The following STRN variants were observed in gnomAD, a reference collection of about 807,000 sequenced individuals.
The protein encoded by STRN is protein phosphatase 2 regulatory subunit B'''alpha.
A neutral mutation model predicts 96.3 loss-of-function variants in STRN; 53 were observed. The ratio of observed to expected loss-of-function variants is 0.55; its 90% CI spans 0.44 to 0.69. STRN has a LOEUF of 0.69. Ranked by LOEUF, STRN falls within the 30% of genes least tolerant of loss-of-function variation. The probability of loss-of-function intolerance (pLI) is 0.00; values close to 1 mark genes in which losing one functional copy is unlikely to be tolerated. For missense variants in STRN, 987 were observed against 963.9 expected (o/e 1.02, Z -0.32); for synonymous variants, 428 against 355.9 (o/e 1.20, Z -2.28).
At chr2:36,958,867 T>C (rs1478950250) in intron 1 of STRN, among the ~76,000 whole-genome samples, 1 of 152,166 alleles carries the variant, frequency 6.6e-6, no homozygotes, top group Non-Finnish European at 1.5e-5. Flanking sequence ...ACGCCTCTAA[T>C]CCCAACACTT....
intron 1 of STRN, among the ~76,000 whole-genome samples, chr2:36,937,768 C>G (rs4670638): frequency 0.42 from 63,320 of 151,432 alleles, 13,606 homozygotes; most frequent in East Asian, 0.66. Context: ...TTGAGAGCAA[C>G]TTAATAAATA....
rs970679088 is a variant in STRN, at chr2:36,909,961, T to C, written c.413-4343A>G. Among the ~76,000 whole-genome samples, 13 of 151,992 alleles carry C rather than the reference T, an allele frequency of 8.6e-5. 1 individual carries two copies. Among genetic ancestry groups the C allele is most frequent in the Admixed American group, 7.9e-4 (12 of 15,272 alleles). On this transcript the variant is annotated intron_variant, in intron 3 of 17. Coordinates refer to ENST00000263918, the MANE Select transcript of STRN (RefSeq NM_003162.4). Reference sequence around the variant, plus strand: ...GCCAAGGTGGGCAGATCACCTGAGGTCAGGAGTTCTAGACCAGCCTGGCCA... The same window carrying C: ...GCCAAGGTGGGCAGATCACCTGAGGCCAGGAGTTCTAGACCAGCCTGGCCA...
At chr2:36,934,805 G>C (rs114572871) in intron 1 of STRN, among the ~76,000 whole-genome samples, 2 of 152,118 alleles carry the variant, frequency 1.3e-5, no homozygotes, top group East Asian at 3.8e-4. Flanking sequence ...GGCTGGGCAC[G>C]GTGGCTCATG....
At chr2:36,964,459 GATCA>G (rs1233699736) in intron 1 of STRN, among the ~76,000 whole-genome samples, 1 of 152,192 alleles carries the variant, frequency 6.6e-6, no homozygotes, top group Admixed American at 6.5e-5. Context: ...TGCTAATAAA[GATCA>G]ATCTGTAAGT....
At chr2:36,929,567 T>C (rs1471155458) in intron 1 of STRN, among the ~76,000 whole-genome samples, 1 of 152,184 alleles carries the variant, frequency 6.6e-6, no homozygotes. Context: ...GTATTTTTAG[T>C]AGAGACAGGG....
intron 9 of STRN, among the ~76,000 whole-genome samples, chr2:36,882,086 C>A (rs115145052): frequency 6.6e-6 from 1 of 151,664 alleles, no homozygotes. Flanking sequence ...AATGATTAAC[C>A]ATGTACTGGT....
At chr2:36,925,594 T>C (rs1212599175) in intron 1 of STRN, among the ~76,000 whole-genome samples, 1 of 151,990 alleles carries the variant, frequency 6.6e-6, no homozygotes, top group Admixed American at 6.6e-5. Flanking sequence ...CTGGCCAACA[T>C]GGTGAAACCC....
intron 16 of STRN, among the ~76,000 whole-genome samples, chr2:36,850,399 C>G (rs904862257): frequency 6.6e-6 from 1 of 152,146 alleles, no homozygotes; most frequent in African/African-American, 2.4e-5. Context: ...TTCCTTTATA[C>G]TGGTGAAATG....
intron 4 of STRN, 120 bp downstream of exon 4, chr2:36,905,420 T>C (rs1669795370): frequency 1.1e-6 from 1 of 872,298 alleles, no homozygotes; most frequent in Admixed American, 2.5e-5. Context: ...CAATTAAGCT[T>C]TTTCACAGCA....
At chr2:36,884,159 T>G in intron 8 of STRN, 84 bp from the exon 9 acceptor site, 1 of 1,173,798 alleles carries the variant, frequency 8.5e-7, no homozygotes, top group Middle Eastern at 2.3e-4. Flanking sequence ...TTATAAGCCT[T>G]ATTTTCCATC....
intron 1 of STRN, among the ~76,000 whole-genome samples, chr2:36,948,254 A>G (rs1664651827): frequency 6.6e-6 from 1 of 151,736 alleles, no homozygotes; most frequent in Non-Finnish European, 1.5e-5. Context: ...GGCATGTGCC[A>G]CCACACCTAG....
intron 1 of STRN, among the ~76,000 whole-genome samples, chr2:36,943,257 C>T (rs1670890947): frequency 6.6e-6 from 1 of 151,956 alleles, no homozygotes; most frequent in Admixed American, 6.6e-5. Context: ...TCATCCCACT[C>T]CCCAGAGGTA....
chr2:36,893,902 G>T lies in STRN; in HGVS notation c.927C>A (p.Asp309Glu). The change falls in exon 7 of 18, where the codon GAC becomes GAA. Residue 309 changes from aspartate (D) to glutamate (E), a missense_variant. Physicochemically the swap from Asp to Glu is conservative, Grantham distance 45 (BLOSUM62 2). Coordinates refer to ENST00000263918, the MANE Select transcript of STRN (RefSeq NM_003162.4). ...NESRSAGDGT[D>E]WEKEDQCLMP... is the part of the protein sequence containing the mutation. Reference sequence around the variant, plus strand: ...GGATCCAGTATGCTTCCTTACCCCAGTCTGTTCCATCGCCTGCACTTCTAG... The same window carrying T: ...GGATCCAGTATGCTTCCTTACCCCATTCTGTTCCATCGCCTGCACTTCTAG... The T allele has an allele frequency of 6.2e-7, 1 of 1,607,870 alleles. No homozygotes were observed. The highest frequency in any genetic ancestry group is 1.3e-5 in the African/African-American group (1 of 74,606).
chr2:36,911,292 T>G (rs1386960789), intron 3 of STRN, among the ~76,000 whole-genome samples: 1 of 152,222 alleles, frequency 6.6e-6, no homozygotes, highest in African/African-American at 2.4e-5. Context: ...TGAACAACTA[T>G]GATAGATGCA....
intron 1 of STRN, among the ~76,000 whole-genome samples, chr2:36,927,525 G>GA (rs1491443441): frequency 3.9e-5 from 1 of 25,940 alleles, no homozygotes; most frequent in Admixed American, 4.2e-4. Context: ...ACAAAAAAAA[G>GA]GGGGGGGGGG....
At chr2:36,865,425 T>A (rs1310420116) in intron 12 of STRN, among the ~76,000 whole-genome samples, 2 of 152,224 alleles carry the variant, frequency 1.3e-5, no homozygotes, top group Non-Finnish European at 2.9e-5. Context: ...AACCAACTTC[T>A]GGTTTCAATG....
chr2:36,966,523 G>T lies in STRN; in HGVS notation c.-60C>A, dbSNP rs1665171209. 7.3e-7 allele frequency: 1 copy of T among 1,362,948 alleles called. No homozygotes were observed. Among genetic ancestry groups the T allele is most frequent in the Non-Finnish European group, 9.4e-7 (1 of 1,062,180 alleles). 84.4% of individuals were successfully genotyped at this position (1,362,948 alleles called of 1,614,324 possible). ...CCCAGCAGCGGAGGCAACAGCGGCG[G>T]CAAGCAGCGCCTCCTCCTCCCTCCG... On this transcript the variant is annotated 5_prime_UTR_variant, in exon 1 of 18. Transcript: ENST00000263918.
At position 36,853,776 on chromosome 2, in the gene STRN, C is replaced by A. The variant is rs982929675; in HGVS notation, c.1978+1436G>T. ...TATGCTAAATTCCAAAACAGAACAA[C>A]ACAATCAATTATAAATAACAAGGGG... is the stretch of plus-strand genomic sequence containing the variant. On this transcript the variant is annotated intron_variant, in intron 15 of 17. Transcript: ENST00000263918. Among the ~76,000 whole-genome samples, 4 of 152,182 alleles carry A rather than the reference C, an allele frequency of 2.6e-5. No individual in the cohort carries two copies. In the East Asian group the frequency reaches 7.7e-4, roughly 29 times the overall value.
At chr2:36,911,203 A>G (rs17443878) in intron 3 of STRN, among the ~76,000 whole-genome samples, 10,263 of 152,258 alleles carry the variant, frequency 0.067, 485 homozygotes, top group Non-Finnish European at 0.1. Flanking sequence ...AGTGAAATCA[A>G]TATGCATGTA....
Sources: allele counts gnomAD v4.1 joint callset (sites outside exome capture counted in the v4.1 genomes callset), GRCh38; gene constraint gnomAD v4.1.1; transcripts MANE v1.5; gene names NCBI Gene and HGNC (gene_info 2026-07-23, HGNC 2026-07-21).